The following RB1CC1 variants were observed in gnomAD, a reference collection of about 807,000 sequenced individuals.
RB1CC1 encodes RB1-inducible coiled-coil protein 1.
RB1CC1 carries 46 observed loss-of-function variants against 177.5 expected under a neutral mutation model. That is an observed-to-expected ratio of 0.26 (90% CI 0.20 to 0.33). The LOEUF is 0.33. RB1CC1 is among the 10% of genes least tolerant of loss of function. The probability of loss-of-function intolerance (pLI) is 1.00; values close to 1 mark genes in which losing one functional copy is unlikely to be tolerated. For synonymous variants in RB1CC1, 666 were observed against 613.6 expected, an observed-to-expected ratio of 1.09 and a Z score of -1.26; for missense variants, 1,703 against 1,816.3, an observed-to-expected ratio of 0.94 and a Z score of 1.13.
chr8:52,636,760 G>C (rs568011346), intron 18 of RB1CC1, among the ~76,000 whole-genome samples: 1 of 152,084 alleles, frequency 6.6e-6, no homozygotes. Flanking sequence ...GTCAACCTGC[G>C]CATATGGTGA....
chr8:52,638,358 C>G lies in RB1CC1; in HGVS notation c.4338-2289G>C, dbSNP rs566223213. 7.9e-5 allele frequency among the ~76,000 whole-genome samples: 12 copies of G among 152,166 alleles called. No homozygotes were observed. The South Asian group carries it at 2.5e-3, about 32-fold the overall frequency. ...CAATTGGAATTCCTTTTGTATTCTGCCAGACTGGATCTATTAGTATTTTGC... is the reference window on the plus strand; with the variant it reads ...CAATTGGAATTCCTTTTGTATTCTGGCAGACTGGATCTATTAGTATTTTGC... On this transcript the variant is annotated intron_variant, in intron 18 of 23. Coordinates refer to ENST00000025008, the MANE Select transcript of RB1CC1 (RefSeq NM_014781.5).
At chr8:52,645,906 TAC>T (rs1849980135) in intron 15 of RB1CC1, 39 bp from the exon 16 acceptor site, 3 of 1,532,272 alleles carry the variant, frequency 2.0e-6, no homozygotes, top group African/African-American at 1.4e-5. Context: ...AAAAAAAAAT[TAC>T]AGACACACAA....
intron 21 of RB1CC1, among the ~76,000 whole-genome samples, chr8:52,629,644 A>G (rs1197744772): frequency 1.3e-5 from 2 of 152,192 alleles, no homozygotes; most frequent in East Asian, 3.9e-4. Flanking sequence ...GTTAAGCCTG[A>G]TAAGAAACAT....
chr8:52,661,832 C>T, intron 8 of RB1CC1, 113 bp from the exon 9 acceptor site: 3 of 747,100 alleles, frequency 4.0e-6, no homozygotes, highest in Non-Finnish European at 5.8e-6. Context: ...TGCCTTCTAA[C>T]AATATTTTTA....
At chr8:52,682,960 A>G (rs1421535719) in intron 5 of RB1CC1, among the ~76,000 whole-genome samples, 7 of 152,202 alleles carry the variant, frequency 4.6e-5, no homozygotes, top group Admixed American at 3.3e-4. Flanking sequence ...ATTTATTTTT[A>G]CAAAAGGTAA....
At chr8:52,641,620 T>C (rs1381784793) in intron 18 of RB1CC1, among the ~76,000 whole-genome samples, 1 of 151,988 alleles carries the variant, frequency 6.6e-6, no homozygotes, top group Non-Finnish European at 1.5e-5. Context: ...AATCACTTGT[T>C]CGAATTACTT....
At chr8:52,644,991 C>A (rs1849893075) in intron 16 of RB1CC1, among the ~76,000 whole-genome samples, 1 of 152,130 alleles carries the variant, frequency 6.6e-6, no homozygotes, top group Non-Finnish European at 1.5e-5. Flanking sequence ...TCTCCATGTT[C>A]CAGTGGGTGA....
intron 1 of RB1CC1, among the ~76,000 whole-genome samples, chr8:52,711,171 T>C (rs1387708843): frequency 6.6e-6 from 1 of 152,100 alleles, no homozygotes; most frequent in Admixed American, 6.6e-5. Flanking sequence ...TAAACAGCCA[T>C]GAAAGCAGAA....
intron 21 of RB1CC1, among the ~76,000 whole-genome samples, chr8:52,629,718 C>A (rs993240098): frequency 6.6e-6 from 1 of 152,162 alleles, no homozygotes; most frequent in Non-Finnish European, 1.5e-5. Context: ...AAACTTTGGT[C>A]TCCACAACCT....
At chr8:52,688,354 C>T (rs1209934280) in intron 1 of RB1CC1, among the ~76,000 whole-genome samples, 1 of 152,102 alleles carries the variant, frequency 6.6e-6, no homozygotes, top group Non-Finnish European at 1.5e-5. Flanking sequence ...TATTAATACC[C>T]TGGGAAAGGA....
chr8:52,647,777 C>T (rs766634322), intron 15 of RB1CC1, among the ~76,000 whole-genome samples: 3 of 152,042 alleles, frequency 2.0e-5, no homozygotes, highest in Non-Finnish European at 4.4e-5. Context: ...TTGCAAGTAC[C>T]ATATAAAGTC....
Position 52,656,517 on chromosome 8 carries a change from A to G in RB1CC1, c.3312T>C (p.Ile1104=), listed in dbSNP as rs754156986. The change falls in exon 15 of 24, where the codon ATT becomes ATC. Residue 1104 remains isoleucine, a synonymous_variant. Transcript: ENST00000025008. ...EQETENLRTE[I]SKLNQKIQDN... ...CCTGAATCTTTTGGTTGAGTTTACT[A>G]ATTTCTGTTCTCAAATTTTCTGTCT... 2 of 1,611,350 alleles carry G rather than the reference A, an allele frequency of 1.2e-6. No homozygotes were observed. Among genetic ancestry groups the G allele is most frequent in the South Asian group, 2.2e-5 (2 of 90,870 alleles).
chr8:52,652,459 CA>C (rs35615959), intron 15 of RB1CC1, among the ~76,000 whole-genome samples: 65,985 of 92,740 alleles, frequency 0.71, 21,376 homozygotes, highest in Admixed American at 0.77. Context: ...GACTCTGTCT[CA>C]AAAAAAAAAA....
Position 52,708,855 on chromosome 8 carries a change from G to A in RB1CC1, c.-167+5220C>T, listed in dbSNP as rs1370972445. Reference sequence around the variant, plus strand: ...TAGTAGCCCGTGACCCCTCAATGAGGGAGAATTGCTAATAACTGCAGTTTA... The same window carrying A: ...TAGTAGCCCGTGACCCCTCAATGAGAGAGAATTGCTAATAACTGCAGTTTA... On this transcript the variant is annotated intron_variant, in intron 1 of 23. Coordinates refer to ENST00000025008, the MANE Select transcript of RB1CC1 (RefSeq NM_014781.5). Among the ~76,000 whole-genome samples the A allele has an allele frequency of 3.3e-5, 5 of 152,170 alleles. No individual in the cohort carries two copies. The South Asian group carries it at 8.3e-4, about 25-fold the overall frequency.
chr8:52,695,492 C>T (rs1855314657), intron 1 of RB1CC1, among the ~76,000 whole-genome samples: 1 of 152,182 alleles, frequency 6.6e-6, no homozygotes, highest in South Asian at 2.1e-4. Flanking sequence ...CAACGTGACT[C>T]ATGTATCAGT....
chr8:52,653,900 C>T (rs1850854990), intron 15 of RB1CC1, among the ~76,000 whole-genome samples: 1 of 152,148 alleles, frequency 6.6e-6, no homozygotes, highest in East Asian at 1.9e-4. Context: ...GATCCAGAAT[C>T]GTTACTGGAA....
In RB1CC1 at chr8:52,698,669, GGTTTTTTTTTTTTTTTTTTTTTTTTTT is replaced by G. The variant is rs1855701362; in HGVS notation, c.-166-11729_-166-11703del. ...AACAAAAACTGTATATGTAATGGTT[GGTTTTTTTTTTTTTTTTTTTTTTTTTT>G]TTTTTTTTTTTTTTTTTTTTTTTTT... On this transcript the variant is annotated intron_variant, in intron 1 of 23. Coordinates refer to ENST00000025008, the MANE Select transcript of RB1CC1 (RefSeq NM_014781.5). 1.3e-4 allele frequency among the ~76,000 whole-genome samples: 3 copies of G among 22,782 alleles called. 1 individual carries two copies. The highest frequency in any genetic ancestry group is 1.9e-4 in the Non-Finnish European group (2 of 10,600). 14.9% of individuals were successfully genotyped at this position (22,782 alleles called of 152,430 possible).
chr8:52,671,443 G>GT (rs1355475441), intron 7 of RB1CC1, among the ~76,000 whole-genome samples: 3 of 152,096 alleles, frequency 2.0e-5, no homozygotes, highest in African/African-American at 7.2e-5. Context: ...TTGGACAACC[G>GT]TTTAATAAAA....
rs1405184929 is a variant in RB1CC1 at position 52,636,035 on chromosome 8, G to A, written c.4372C>T (p.Arg1458Trp). 1.2e-6 allele frequency: 2 copies of A among 1,606,716 alleles called. No individual in the cohort carries two copies. Among genetic ancestry groups the A allele is most frequent in the South Asian group, 1.1e-5 (1 of 90,330 alleles). The change falls in exon 19 of 24, where the codon CGG becomes TGG. Residue 1458 changes from arginine (R) to tryptophan (W), a missense_variant. Physicochemically the swap from Arg to Trp is moderately radical, Grantham distance 101 (BLOSUM62 -3). Coordinates refer to ENST00000025008, the MANE Select transcript of RB1CC1 (RefSeq NM_014781.5). ...CTTACTCGTTCTAACAGCATTATCC[G>A]CTGTTTTTCTTCAGACAACATATGA... ...NIHMLSEEKQRIMLLERTLQL... is the reference protein window; with the variant it reads ...NIHMLSEEKQWIMLLERTLQL...
Sources: gnomAD v4.1 joint callset for allele counts (sites outside exome capture counted in the v4.1 genomes callset) on GRCh38, gnomAD v4.1.1 for gene constraint, MANE v1.5 for transcripts, NCBI Gene and HGNC (gene_info 2026-07-23, HGNC 2026-07-21) for gene names.